Variants in MYO6 observed in about 807,000 individuals in gnomAD.
MYO6 encodes myosin VI, also known as unconventional myosin-VI.
A neutral mutation model predicts 178.7 loss-of-function variants in MYO6; 74 were observed. That is an observed-to-expected ratio of 0.41 (90% confidence interval 0.34 to 0.50). The LOEUF is 0.50. Ranked by LOEUF, MYO6 falls within the 20% of genes least tolerant of loss-of-function variation. The pLI, the probability that MYO6 is intolerant of heterozygous loss-of-function variation, is 0.09. For missense variants in MYO6, 1,330 were observed against 1,547.4 expected (o/e 0.86, Z 2.36); for synonymous variants, 477 against 504.6 (o/e 0.95, Z 0.73).
intron 1 of MYO6, among the ~76,000 whole-genome samples, chr6:75,812,312 T>C (rs1349575671): frequency 2.0e-5 from 3 of 152,128 alleles, no homozygotes; most frequent in African/African-American, 7.2e-5. Flanking sequence ...AAATTAAATT[T>C]TTTTTGTGTG....
chr6:75,780,167 G>A (rs1015966001), intron 1 of MYO6, among the ~76,000 whole-genome samples: 3 of 152,150 alleles, frequency 2.0e-5, no homozygotes, highest in African/African-American at 4.8e-5. Context: ...GTGGCCAGGC[G>A]CAGTGGCTCA....
intron 3 of MYO6, among the ~76,000 whole-genome samples, chr6:75,823,546 A>C (rs1262347953): frequency 2.0e-5 from 3 of 152,234 alleles, no homozygotes; most frequent in Non-Finnish European, 4.4e-5. Context: ...AATTATGTAC[A>C]GTTGTCAAGG....
At chr6:75,789,253 G>T (rs1767986179) in intron 1 of MYO6, among the ~76,000 whole-genome samples, 1 of 152,150 alleles carries the variant, frequency 6.6e-6, no homozygotes, top group Admixed American at 6.5e-5. Flanking sequence ...AAAAGTCACT[G>T]CCAATTAAGT....
At chr6:75,879,094 T>C (rs1777803126) in intron 20 of MYO6, among the ~76,000 whole-genome samples, 1 of 152,238 alleles carries the variant, frequency 6.6e-6, no homozygotes, top group Non-Finnish European at 1.5e-5. Context: ...ATGTATCTAC[T>C]TTTTGGAGTT....
At position 75,898,395 on chromosome 6, in the gene MYO6, T is replaced by C. The variant is rs773096047; in HGVS notation, c.3160T>C (p.Ser1054Pro). 1 of 1,610,508 alleles carries C rather than the reference T, an allele frequency of 6.2e-7. No individual in the cohort carries two copies. The highest frequency in any genetic ancestry group is 8.5e-7 in the Non-Finnish European group (1 of 1,176,806). The part of the protein sequence containing the change: ...MTPEQMAKEM[S>P]EFLSRGPAVL... ...TAGGGAACAAATGGCCAAAGAAATG[T>C]CAGAATTTTTGAGTAGGTTAGTGCA... is the stretch of plus-strand genomic sequence containing the variant. Residue 1054 changes from serine to proline, a missense_variant, in exon 30 of 35, where the codon TCA becomes CCA. This residue lies in a region of MYO6 where 601 missense variants were observed against 626.1 expected (regional missense o/e 0.96). Transcript: ENST00000369977.
At position 75,830,517 on chromosome 6, in the gene MYO6, G is replaced by C. The variant is rs1772973509; in HGVS notation, c.363G>C (p.Gly121=). ...AGTCATATCAAGGAAAATCTCTTGGGACAAGACCACCTCATGTCTTTGCAA... is the reference window on the plus strand; with the variant it reads ...AGTCATATCAAGGAAAATCTCTTGGCACAAGACCACCTCATGTCTTTGCAA... The part of the protein sequence containing the change: ...AIKSYQGKSL[G]TRPPHVFAIA... Residue 121 remains glycine (G), a synonymous_variant, in exon 5 of 35, where the codon GGG becomes GGC. Transcript: ENST00000369977. The C allele has an allele frequency of 1.3e-5, 21 of 1,612,200 alleles. No individual in the cohort carries two copies. The highest frequency in any genetic ancestry group is 1.7e-5 in the Non-Finnish European group (20 of 1,178,552).
Position 75,892,702 on chromosome 6 carries a change from C to G in MYO6, c.3107+12C>G. 6.2e-7 allele frequency: 1 copy of G among 1,612,040 alleles called. No homozygotes were observed. The highest frequency in any genetic ancestry group is 8.5e-7 in the Non-Finnish European group (1 of 1,179,904). On this transcript the variant is annotated intron_variant, in intron 28 of 34. Coordinates refer to ENST00000369977, the MANE Select transcript of MYO6 (RefSeq NM_004999.4). ...CTGGCGCTGCGGAGGTACTGGGGCC[C>G]CTGGGTGGGGTATAGCGCTCTCTCC...
At chr6:75,763,571 AAT>A (rs1778137694) in intron 1 of MYO6, among the ~76,000 whole-genome samples, 1 of 152,198 alleles carries the variant, frequency 6.6e-6, no homozygotes, top group Non-Finnish European at 1.5e-5. Context: ...AGGATTGAAT[AAT>A]AGTTTTTTCC....
At chr6:75,883,176 C>T (rs1778177263) in intron 23 of MYO6, among the ~76,000 whole-genome samples, 1 of 151,498 alleles carries the variant, frequency 6.6e-6, no homozygotes, top group East Asian at 1.9e-4. Context: ...AATTAGAACT[C>T]TCCAAAAATT....
At chr6:75,867,460 T>TAAAA in intron 18 of MYO6, 1 of 226,594 alleles carries the variant, frequency 4.4e-6, no homozygotes, top group South Asian at 6.3e-5. Flanking sequence ...GTAGTCCAGC[T>TAAAA]CGGGATGGCT....
intron 29 of MYO6, among the ~76,000 whole-genome samples, chr6:75,897,782 A>G (rs1779420638): frequency 6.6e-6 from 1 of 152,360 alleles, no homozygotes; most frequent in African/African-American, 2.4e-5. Context: ...CAAAAGCAAA[A>G]TAAGTTTTTT....
chr6:75,831,388 A>AATT (rs1192666935), intron 5 of MYO6, among the ~76,000 whole-genome samples: 2 of 152,224 alleles, frequency 1.3e-5, no homozygotes, highest in African/African-American at 4.8e-5. Flanking sequence ...TATGGCTGAC[A>AATT]TAATTACTCT....
rs146145447 is a variant in MYO6 at position 75,776,387 on chromosome 6, A to G, written c.-48+26964A>G. 1.4e-3 allele frequency among the ~76,000 whole-genome samples: 219 copies of G among 152,360 alleles called. 3 individuals are homozygous for G. The highest frequency in any genetic ancestry group is 5.0e-3 in the African/African-American group (206 of 41,592). On this transcript the variant is annotated intron_variant, in intron 1 of 34. Coordinates refer to ENST00000369977, the MANE Select transcript of MYO6 (RefSeq NM_004999.4). ...ATAATACTATTTTTTAAAAAAGAAT[A>G]TTAGCAGCAATGGTTAGAAAGGGTT...
At chr6:75,806,150 T>C (rs549175632) in intron 1 of MYO6, among the ~76,000 whole-genome samples, 1 of 152,214 alleles carries the variant, frequency 6.6e-6, no homozygotes, top group South Asian at 2.1e-4. Context: ...TTTATTCTAG[T>C]GAAAACCTTG....
chr6:75,871,801 G>GA (rs773118121), intron 19 of MYO6, among the ~76,000 whole-genome samples: 2 of 151,588 alleles, frequency 1.3e-5, no homozygotes, highest in Admixed American at 6.6e-5. Flanking sequence ...GTGATTTATA[G>GA]AAAAAAAAGC....
At position 75,866,605 on chromosome 6, in the gene MYO6, C is replaced by G. The variant is rs201311110; in HGVS notation, c.1754C>G (p.Ala585Gly). Residue 585 changes from alanine (A) to glycine (G), a missense_variant, in exon 17 of 35, where the codon GCA (alanine) becomes GGA (glycine). Around this residue, in one of 3 missense-constraint regions of MYO6, gnomAD observed 613 missense variants for 816.8 expected, o/e 0.75. Transcript: ENST00000369977. ...TTCATTATCAGGCATTTTGCGGGGG[C>G]AGTGTGCTATGAAACAGTGAGTATA... is the stretch of plus-strand genomic sequence containing the variant. ...EGFIIRHFAG[A>G]VCYETTQFVE... The G allele has an allele frequency of 8.7e-6, 14 of 1,613,536 alleles. No homozygotes were observed. The highest frequency in any genetic ancestry group is 6.7e-5 in the Admixed American group (4 of 60,014).
chr6:75,880,643 T>C (rs1028170071), intron 22 of MYO6, among the ~76,000 whole-genome samples: 2 of 152,232 alleles, frequency 1.3e-5, no homozygotes, highest in Admixed American at 6.5e-5. Context: ...AATAGTCTCA[T>C]AGAGAAAGCA....
intron 19 of MYO6, 86 bp from the exon 20 acceptor site, chr6:75,873,121 A>G (rs1583327377): frequency 9.8e-6 from 10 of 1,022,382 alleles, no homozygotes; most frequent in Non-Finnish European, 1.2e-5. Context: ...TAATGTTAAT[A>G]TGCTTTGAAA....
chr6:75,821,604 A>G (rs546861423), intron 2 of MYO6, among the ~76,000 whole-genome samples: 1 of 150,044 alleles, frequency 6.7e-6, no homozygotes, highest in Non-Finnish European at 1.5e-5. Context: ...CGTGGATTTT[A>G]CTCATTATAG....
Sources: allele counts gnomAD v4.1 joint callset (sites outside exome capture counted in the v4.1 genomes callset), GRCh38; gene constraint gnomAD v4.1.1; regional missense constraint gnomAD v4.1.1; transcripts MANE v1.5; gene names NCBI Gene and HGNC (gene_info 2026-07-23, HGNC 2026-07-21).